The following NOL4 variants were observed in gnomAD, a reference collection of about 807,000 sequenced individuals.
NOL4 encodes nucleolar protein 4.
A neutral mutation model predicts 75.9 loss-of-function variants in NOL4; 17 were observed. The observed-to-expected ratio is 0.22, with a 90% CI of 0.15 to 0.34. The LOEUF (loss-of-function observed/expected upper bound fraction) is 0.34. Ranked by LOEUF, NOL4 falls within the 10% of genes least tolerant of loss-of-function variation. The pLI is 1.00. For missense variants in NOL4, 614 were observed against 793.5 expected, an observed-to-expected ratio of 0.77 and a Z score of 2.72; for synonymous variants, 292 against 289.9, an observed-to-expected ratio of 1.01 and a Z score of -0.07.
intron 2 of NOL4, among the ~76,000 whole-genome samples, chr18:34,124,617 A>G (rs776390282): frequency 6.6e-6 from 1 of 152,136 alleles, no homozygotes; most frequent in Non-Finnish European, 1.5e-5. Context: ...CTCATATAAG[A>G]ATCAAGGCTT....
At chr18:33,907,364 TAA>T (rs1239944118) in intron 9 of NOL4, among the ~76,000 whole-genome samples, 1 of 143,576 alleles carries the variant, frequency 7.0e-6, no homozygotes, top group Non-Finnish European at 1.5e-5. Flanking sequence ...GAAATAATAA[TAA>T]ACATTAAAGA....
At chr18:34,082,505 C>T (rs78107013) in intron 5 of NOL4, among the ~76,000 whole-genome samples, 11,602 of 152,176 alleles carry the variant, frequency 0.076, 576 homozygotes, top group Non-Finnish European at 0.12. Flanking sequence ...GTTAGAAATG[C>T]CTTTTAAAAA....
At chr18:33,982,215 T>A (rs1368112145) in intron 6 of NOL4, among the ~76,000 whole-genome samples, 4 of 151,998 alleles carry the variant, frequency 2.6e-5, no homozygotes, top group Admixed American at 1.3e-4. Flanking sequence ...ACTATATTAA[T>A]AATCCCTCCG....
intron 1 of NOL4, among the ~76,000 whole-genome samples, chr18:34,158,013 T>C (rs1008626320): frequency 2.6e-5 from 4 of 151,932 alleles, no homozygotes; most frequent in Non-Finnish European, 5.9e-5. Context: ...CTATCAGCTT[T>C]AAAAAAAAGA....
chr18:33,878,169 G>C (rs970608816), intron 10 of NOL4, among the ~76,000 whole-genome samples: 1 of 152,046 alleles, frequency 6.6e-6, no homozygotes, highest in African/African-American at 2.4e-5. Flanking sequence ...AGGACTTTGG[G>C]AGCCCTGTTC....
chr18:33,982,398 G>C (rs2072038991), intron 6 of NOL4, among the ~76,000 whole-genome samples: 1 of 152,064 alleles, frequency 6.6e-6, no homozygotes, highest in South Asian at 2.1e-4. Context: ...AATCAAGAAT[G>C]CTGGAGTAGC....
At chr18:34,061,561 G>A (rs2145133086) in intron 5 of NOL4, among the ~76,000 whole-genome samples, 1 of 152,146 alleles carries the variant, frequency 6.6e-6, no homozygotes, top group Non-Finnish European at 1.5e-5. Flanking sequence ...ATTCTTTCAA[G>A]GCACATATAC....
chr18:34,130,924 A>C (rs914005587), intron 1 of NOL4, among the ~76,000 whole-genome samples: 1 of 152,152 alleles, frequency 6.6e-6, no homozygotes, highest in South Asian at 2.1e-4. Context: ...TGGGAAGTAC[A>C]GCAAAGAACA....
intron 1 of NOL4, among the ~76,000 whole-genome samples, chr18:34,200,257 G>A (rs1310569630): frequency 6.6e-6 from 1 of 151,740 alleles, no homozygotes; most frequent in Non-Finnish European, 1.5e-5. Context: ...TTCATTGGCT[G>A]TTCTTCCTGT....
intron 10 of NOL4, among the ~76,000 whole-genome samples, chr18:33,882,114 C>A (rs1170638221): frequency 6.6e-6 from 1 of 152,050 alleles, no homozygotes; most frequent in South Asian, 2.1e-4. Flanking sequence ...AGAAGAAAAC[C>A]TAGGCATTAC....
intron 1 of NOL4, among the ~76,000 whole-genome samples, chr18:34,201,017 T>C (rs1479974410): frequency 1.3e-5 from 2 of 151,624 alleles, no homozygotes; most frequent in East Asian, 1.9e-4. Context: ...TGCTGCTCTA[T>C]ATAGGGTTGA....
intron 10 of NOL4, among the ~76,000 whole-genome samples, chr18:33,870,992 A>T (rs2063673415): frequency 6.6e-6 from 1 of 152,074 alleles, no homozygotes; most frequent in Non-Finnish European, 1.5e-5. Flanking sequence ...ACCAAGCAAC[A>T]ACTCAGGAGG....
chr18:33,853,525 A>G (rs973709228), intron 10 of NOL4, among the ~76,000 whole-genome samples: 1 of 152,138 alleles, frequency 6.6e-6, no homozygotes, highest in African/African-American at 2.4e-5. Context: ...TAAGGACTAA[A>G]GGACTTCAGG....
intron 6 of NOL4, among the ~76,000 whole-genome samples, chr18:33,967,634 C>T (rs1334576016): frequency 1.2e-4 from 19 of 152,140 alleles, no homozygotes; most frequent in Admixed American, 1.2e-3. Context: ...AAAACAACCC[C>T]ACTAAAAAGT....
At chr18:34,182,171 C>T (rs1217552750) in intron 1 of NOL4, among the ~76,000 whole-genome samples, 2 of 151,552 alleles carry the variant, frequency 1.3e-5, no homozygotes, top group African/African-American at 4.8e-5. Flanking sequence ...CTTCTATCAA[C>T]TAATAAATGG....
At chr18:34,015,773 C>T (rs972738283) in intron 6 of NOL4, among the ~76,000 whole-genome samples, 3 of 152,012 alleles carry the variant, frequency 2.0e-5, no homozygotes, top group South Asian at 2.1e-4. Flanking sequence ...GCATGTGCAC[C>T]GTAAACTACA....
intron 2 of NOL4, among the ~76,000 whole-genome samples, chr18:34,109,121 T>A (rs2079460497): frequency 6.6e-6 from 1 of 151,916 alleles, no homozygotes; most frequent in African/African-American, 2.4e-5. Context: ...TCCAGAAATA[T>A]CTTGAGTGCA....
At chr18:34,113,531 G>A (rs114755297) in intron 2 of NOL4, among the ~76,000 whole-genome samples, 2,301 of 152,130 alleles carry the variant, frequency 0.015, 55 homozygotes, top group African/African-American at 0.052. Flanking sequence ...AGCTGGTCAA[G>A]GAGGCTGAAG....
intron 1 of NOL4, among the ~76,000 whole-genome samples, chr18:34,206,712 G>C (rs1383521073): frequency 6.6e-6 from 1 of 151,942 alleles, no homozygotes; most frequent in Admixed American, 6.6e-5. Context: ...ATTTTTCTTT[G>C]AGTTTATCTT....
Sources: allele counts gnomAD v4.1 joint callset (sites outside exome capture counted in the v4.1 genomes callset), GRCh38; gene constraint gnomAD v4.1.1; transcripts MANE v1.5; gene names NCBI Gene and HGNC (gene_info 2026-07-23, HGNC 2026-07-21).